TRAPPC9: variants seen among roughly 807,000 people sequenced by gnomAD.
TRAPPC9 encodes trafficking protein particle complex subunit 9.
Under a neutral mutation model 124.0 loss-of-function variants are expected in TRAPPC9, and 83 were observed. That is an observed-to-expected ratio of 0.67 (90% CI 0.56 to 0.80). The LOEUF is 0.80. TRAPPC9 is among the 30% of genes least tolerant of loss of function. The pLI, the probability that TRAPPC9 is intolerant of heterozygous loss-of-function variation, is 0.00. For missense variants in TRAPPC9, 1,302 were observed against 1,508.3 expected (o/e 0.86, Z 2.27); for synonymous variants, 638 against 617.5 (o/e 1.03, Z -0.49).
chr8:140,129,803 A>C (rs2061171243), intron 17 of TRAPPC9, among the ~76,000 whole-genome samples: 1 of 152,204 alleles, frequency 6.6e-6, no homozygotes, highest in African/African-American at 2.4e-5. Flanking sequence ...CTGAGAACTC[A>C]TGTTTTGCGA....
chr8:139,914,691 G>A (rs1831994922), intron 19 of TRAPPC9: 1 of 152,300 alleles, frequency 6.6e-6, no homozygotes, highest in South Asian at 2.1e-4. Context: ...GATCAGCTGA[G>A]TGCCTTGATG....
chr8:140,006,803 T>C (rs1488654471), intron 18 of TRAPPC9, among the ~76,000 whole-genome samples: 1 of 152,058 alleles, frequency 6.6e-6, no homozygotes, highest in Non-Finnish European at 1.5e-5. Flanking sequence ...AGTGGTAGAT[T>C]AGTGGTTGCC....
intron 4 of TRAPPC9, among the ~76,000 whole-genome samples, chr8:140,429,750 G>C (rs1019617966): frequency 1.3e-5 from 2 of 152,094 alleles, no homozygotes; most frequent in African/African-American, 4.8e-5. Flanking sequence ...CGGTTGCAGT[G>C]AGCCAAGATT....
At chr8:139,830,949 C>CG (rs1215580570) in intron 21 of TRAPPC9, among the ~76,000 whole-genome samples, 3 of 152,256 alleles carry the variant, frequency 2.0e-5, no homozygotes, top group African/African-American at 7.2e-5. Context: ...CAAGCTCCAT[C>CG]GCTGGCCGCG....
intron 15 of TRAPPC9, among the ~76,000 whole-genome samples, chr8:140,270,050 A>G (rs1422511664): frequency 1.3e-5 from 2 of 152,108 alleles, no homozygotes; most frequent in Non-Finnish European, 2.9e-5. Context: ...CAGCAAGCCA[A>G]GACCACGCCA....
intron 17 of TRAPPC9, among the ~76,000 whole-genome samples, chr8:140,107,107 T>G (rs553449712): frequency 6.6e-6 from 1 of 152,208 alleles, no homozygotes; most frequent in Admixed American, 6.5e-5. Context: ...AAGAAGTCCT[T>G]GGCCAAAAAT....
intron 19 of TRAPPC9, among the ~76,000 whole-genome samples, chr8:139,912,740 CCT>C (rs1831834266): frequency 6.6e-6 from 1 of 152,180 alleles, no homozygotes; most frequent in Admixed American, 6.6e-5. Context: ...CTGAATTACC[CCT>C]GAGGTTGAAC....
intron 3 of TRAPPC9, among the ~76,000 whole-genome samples, chr8:140,437,265 T>C (rs1378994988): frequency 6.6e-6 from 1 of 152,198 alleles, no homozygotes; most frequent in Non-Finnish European, 1.5e-5. Flanking sequence ...GATTTTTTTA[T>C]TTTTTATTTT....
intron 17 of TRAPPC9, among the ~76,000 whole-genome samples, chr8:140,171,897 A>G (rs193233814): frequency 1.3e-5 from 2 of 152,364 alleles, no homozygotes; most frequent in East Asian, 3.9e-4. Flanking sequence ...AGGGGTCACC[A>G]TTCGGAACAT....
chr8:140,140,052 G>C (rs996819175), intron 17 of TRAPPC9, among the ~76,000 whole-genome samples: 3 of 152,202 alleles, frequency 2.0e-5, no homozygotes, highest in Non-Finnish European at 4.4e-5. Context: ...CCACAACGGG[G>C]TGCTTGTGTG....
At chr8:139,975,262 G>A (rs1836367789) in intron 19 of TRAPPC9, among the ~76,000 whole-genome samples, 1 of 152,224 alleles carries the variant, frequency 6.6e-6, no homozygotes, top group Admixed American at 6.5e-5. Context: ...GGTCAGCCTG[G>A]ATCACTGGCC....
chr8:140,375,441 C>T (rs1238498837), intron 7 of TRAPPC9, among the ~76,000 whole-genome samples: 1 of 152,140 alleles, frequency 6.6e-6, no homozygotes, highest in East Asian at 1.9e-4. Context: ...TTTAGACCTG[C>T]TTTATTCTGT....
intron 19 of TRAPPC9, chr8:139,934,050 G>A (rs1833365666): frequency 6.6e-6 from 1 of 152,148 alleles, no homozygotes; most frequent in Non-Finnish European, 1.5e-5. Context: ...CTACGTTATA[G>A]AAACCTCTGT....
chr8:139,948,573 G>A (rs749331941), intron 19 of TRAPPC9, among the ~76,000 whole-genome samples: 3 of 152,066 alleles, frequency 2.0e-5, no homozygotes, highest in Non-Finnish European at 2.9e-5. Flanking sequence ...TGTTCATTAC[G>A]GCAGCCCCTT....
chr8:140,300,832 G>A (rs557816004), intron 10 of TRAPPC9, among the ~76,000 whole-genome samples: 18 of 152,208 alleles, frequency 1.2e-4, no homozygotes, highest in Admixed American at 5.2e-4. Context: ...CCCTGGAACT[G>A]GGGGAGCAGC....
At chr8:139,873,557 C>T (rs1298116419) in intron 21 of TRAPPC9, among the ~76,000 whole-genome samples, 2 of 152,182 alleles carry the variant, frequency 1.3e-5, no homozygotes, top group Non-Finnish European at 2.9e-5. Context: ...AGAGCACCTC[C>T]TCTCATCTGC....
chr8:140,002,346 T>C (rs1427000359), intron 18 of TRAPPC9, among the ~76,000 whole-genome samples: 1 of 152,134 alleles, frequency 6.6e-6, no homozygotes, highest in Non-Finnish European at 1.5e-5. Context: ...CAGAAGTATA[T>C]GCAGTGCTCA....
chr8:140,088,337 T>A (rs73725397), intron 17 of TRAPPC9, among the ~76,000 whole-genome samples: 4,712 of 152,278 alleles, frequency 0.031, 243 homozygotes, highest in African/African-American at 0.11. Flanking sequence ...TGAAAATCTA[T>A]CACCTAAGAG....
chr8:140,281,353 G>A (rs58011353), intron 14 of TRAPPC9, among the ~76,000 whole-genome samples: 5,975 of 152,318 alleles, frequency 0.039, 212 homozygotes, highest in African/African-American at 0.098. Context: ...TGCCAGTTCA[G>A]AGACTAATGA....
Sources: gnomAD v4.1 joint callset for allele counts (sites outside exome capture counted in the v4.1 genomes callset) on GRCh38, gnomAD v4.1.1 for gene constraint, MANE v1.5 for transcripts, NCBI Gene and HGNC (gene_info 2026-07-23, HGNC 2026-07-21) for gene names.